GPC3: variants seen among roughly 807,000 people sequenced by gnomAD.
The protein encoded by GPC3 is glypican 3, also known as glypican-3.
In GPC3, 3 loss-of-function variants were observed where a neutral mutation model predicts 34.4. The ratio of observed to expected loss-of-function variants is 0.09; its 90% CI spans 0.04 to 0.23. The LOEUF is 0.23. Ranked by LOEUF, GPC3 falls within the 10% of genes least tolerant of loss-of-function variation. GPC3 has a pLI of 1.00. For missense variants in GPC3, 351 were observed against 445.6 expected, an observed-to-expected ratio of 0.79 and a Z score of 1.91; for synonymous variants, 177 against 174.0, an observed-to-expected ratio of 1.02 and a Z score of -0.13.
intron 2 of GPC3, among the ~76,000 whole-genome samples, chrX:133,903,067 C>T (rs2076151725): frequency 1.8e-5 from 2 of 108,728 alleles, no homozygotes; most frequent in Non-Finnish European, 3.8e-5. Flanking sequence ...AGGAGAATCG[C>T]TTGAACCTGG....
chrX:133,588,467 T>C (rs1173437927), intron 7 of GPC3, among the ~76,000 whole-genome samples: 1 of 111,508 alleles, frequency 9.0e-6, no homozygotes. Flanking sequence ...GGCAACATGA[T>C]TTGTTCTAAA....
intron 7 of GPC3, among the ~76,000 whole-genome samples, chrX:133,558,533 C>T (rs984556357): frequency 3.1e-4 from 34 of 110,817 alleles, no homozygotes; most frequent in African/African-American, 1.1e-3. Flanking sequence ...GGGTTGAAAA[C>T]GTATCAAATT....
intron 3 of GPC3, among the ~76,000 whole-genome samples, chrX:133,746,417 T>C (rs2071612046): frequency 1.8e-5 from 2 of 112,689 alleles, no homozygotes; most frequent in Admixed American, 9.4e-5. Flanking sequence ...ACCTGTAATA[T>C]ACGTATAATT....
chrX:133,627,179 G>T (rs1244769248), intron 6 of GPC3, among the ~76,000 whole-genome samples: 1 of 62,564 alleles, frequency 1.6e-5, no homozygotes, highest in Non-Finnish European at 2.7e-5. Context: ...TGGGGGGAGG[G>T]GGGAGGGATA....
intron 6 of GPC3, among the ~76,000 whole-genome samples, chrX:133,638,709 T>C (rs116462277): frequency 0.051 from 5,627 of 110,348 alleles, 392 homozygotes; most frequent in African/African-American, 0.18. Context: ...TGATACTTTT[T>C]AGACTTTTAA....
chrX:133,816,606 A>C (rs2075692525), intron 2 of GPC3, among the ~76,000 whole-genome samples: 1 of 112,091 alleles, frequency 8.9e-6, no homozygotes, highest in Admixed American at 9.5e-5. Context: ...GAGAGAAGAA[A>C]AACAGGGCCA....
rs190151595 is a variant in GPC3 at position 133,604,272 on chromosome X, G to A, written c.1414-7673C>T. Reference sequence around the variant, plus strand: ...GTCTTAGGTAAAGACATCAACGAATGGGGCCTTCATTGTACATTTTTGCCA... The same window carrying A: ...GTCTTAGGTAAAGACATCAACGAATAGGGCCTTCATTGTACATTTTTGCCA... On this transcript the variant is annotated intron_variant, in intron 6 of 7. Coordinates refer to ENST00000370818, the MANE Select transcript of GPC3 (RefSeq NM_004484.4). Among the ~76,000 whole-genome samples the A allele has an allele frequency of 3.0e-3, 331 of 111,966 alleles. 1 individual carries two copies. The highest frequency in any genetic ancestry group is 9.9e-3 in the African/African-American group (307 of 30,864).
chrX:133,694,869 G>A (rs919811746), intron 4 of GPC3, among the ~76,000 whole-genome samples: 5 of 110,465 alleles, frequency 4.5e-5, no homozygotes, highest in African/African-American at 1.6e-4. Flanking sequence ...GATGAGGTTC[G>A]ATCTAAATGT....
intron 1 of GPC3, among the ~76,000 whole-genome samples, chrX:133,964,514 A>C (rs2076454804): frequency 1.8e-5 from 2 of 112,323 alleles, no homozygotes; most frequent in Admixed American, 1.9e-4. Context: ...CCTAAAGCCC[A>C]TGGTGAAATG....
chrX:133,717,683 G>T (rs913932779), intron 3 of GPC3, among the ~76,000 whole-genome samples: 1 of 110,618 alleles, frequency 9.0e-6, no homozygotes, highest in African/African-American at 3.3e-5. Flanking sequence ...TGTTGGAGAC[G>T]TGAGTCTTGC....
At chrX:133,572,148 T>G (rs2069639275) in intron 7 of GPC3, among the ~76,000 whole-genome samples, 1 of 111,604 alleles carries the variant, frequency 9.0e-6, no homozygotes, top group Admixed American at 9.6e-5. Context: ...AGTCTATTCT[T>G]CAGTCACAAT....
intron 7 of GPC3, among the ~76,000 whole-genome samples, chrX:133,568,291 C>T (rs768886304): frequency 8.1e-5 from 9 of 111,691 alleles, no homozygotes; most frequent in Non-Finnish European, 1.7e-4. Context: ...TAAAGGGGTA[C>T]CTATTTACTC....
chrX:133,591,363 G>A (rs763221165), intron 7 of GPC3, among the ~76,000 whole-genome samples: 1 of 111,618 alleles, frequency 9.0e-6, no homozygotes, highest in African/African-American at 3.3e-5. Flanking sequence ...GCTGACCAAA[G>A]CATATAGCCT....
intron 2 of GPC3, among the ~76,000 whole-genome samples, chrX:133,890,010 C>A (rs912294708): frequency 1.8e-5 from 2 of 110,155 alleles, no homozygotes; most frequent in African/African-American, 3.3e-5. Flanking sequence ...ACCTTGTGAT[C>A]CACCTGCCTT....
intron 2 of GPC3, among the ~76,000 whole-genome samples, chrX:133,897,947 T>C (rs2076126119): frequency 2.7e-5 from 3 of 111,986 alleles, no homozygotes; most frequent in African/African-American, 9.7e-5. Flanking sequence ...GTTGGATTTA[T>C]TGGTCAGCTC....
intron 1 of GPC3, among the ~76,000 whole-genome samples, chrX:133,984,964 G>A (rs1290273140): frequency 9.0e-6 from 1 of 111,581 alleles, no homozygotes; most frequent in Non-Finnish European, 1.9e-5. Flanking sequence ...GCAGAGACCC[G>A]GGAAAATAGC....
intron 1 of GPC3, among the ~76,000 whole-genome samples, chrX:133,982,646 A>G (rs976943014): frequency 3.6e-5 from 4 of 112,124 alleles, no homozygotes; most frequent in Non-Finnish European, 5.6e-5. Context: ...AGTCAATCCC[A>G]AATGCTCCCC....
At chrX:133,843,040 G>A (rs2124553070) in intron 2 of GPC3, among the ~76,000 whole-genome samples, 1 of 111,740 alleles carries the variant, frequency 8.9e-6, no homozygotes, top group South Asian at 3.8e-4. Flanking sequence ...CTATGTAGAA[G>A]CCCACAAGGA....
intron 2 of GPC3, among the ~76,000 whole-genome samples, chrX:133,795,922 A>G (rs1009778128): frequency 3.8e-5 from 4 of 105,423 alleles, no homozygotes; most frequent in Non-Finnish European, 7.8e-5. Context: ...TTAAAAGGCT[A>G]TAAGAGCCAT....
Sources: allele counts gnomAD v4.1 joint callset (sites outside exome capture counted in the v4.1 genomes callset), GRCh38; gene constraint gnomAD v4.1.1; transcripts MANE v1.5; gene names NCBI Gene and HGNC (gene_info 2026-07-23, HGNC 2026-07-21).